The following CYP4F8 variants were observed in gnomAD, a reference collection of about 807,000 sequenced individuals.
CYP4F8 encodes cytochrome P450 family 4 subfamily F member 8, also known as cytochrome P450 4F8.
Under a neutral mutation model 55.0 loss-of-function variants are expected in CYP4F8, and 56 were observed. That is an observed-to-expected ratio of 1.02 (90% CI 0.82 to 1.27). The LOEUF is 1.27. CYP4F8 is among the 50% of genes most tolerant of loss of function. CYP4F8 has a pLI of 0.00. For missense variants in CYP4F8, 680 were observed against 682.4 expected, an observed-to-expected ratio of 1.00 and a Z score of 0.04; for synonymous variants, 288 against 267.3, an observed-to-expected ratio of 1.08 and a Z score of -0.76.
At chr19:15,623,407 T>C in intron 7 of CYP4F8, 32 bp downstream of exon 7, 1 of 1,606,626 alleles carries the variant, frequency 6.2e-7, no homozygotes, top group Non-Finnish European at 8.5e-7. Flanking sequence ...ATTCAAGAGG[T>C]AAAATGGAGC....
chr19:15,628,155 C>T (rs1338617954), intron 9 of CYP4F8, 147 bp from the exon 10 acceptor site: 1 of 1,230,168 alleles, frequency 8.1e-7, no homozygotes, highest in Non-Finnish European at 1.1e-6. Flanking sequence ...AGTTTTGTGA[C>T]TTTGGTTTTC....
At chr19:15,616,487 C>T (rs1972124291) in intron 2 of CYP4F8, among the ~76,000 whole-genome samples, 1 of 152,160 alleles carries the variant, frequency 6.6e-6, no homozygotes, top group Non-Finnish European at 1.5e-5. Context: ...ACCATTATTT[C>T]CACATTATCC....
rs2144607229 is a variant in CYP4F8 at position 15,623,146 on chromosome 19, C to A, written c.689C>A (p.Ala230Asp). 1.2e-6 allele frequency: 2 copies of A among 1,614,072 alleles called. No homozygotes were observed. Among genetic ancestry groups the A allele is most frequent in the East Asian group, 2.2e-5 (1 of 44,854 alleles). ...ATTACTGCGATCATGGAGCTCAGTG[C>A]CCTTGTAGTGAAACGGAATAACCAG... ...EYITAIMELS[A>D]LVVKRNNQFF... The change falls in exon 7 of 13, where the codon GCC (alanine) becomes GAC (aspartate). Residue 230 changes from alanine to aspartate, a missense_variant. Coordinates refer to ENST00000612078, the MANE Select transcript of CYP4F8 (RefSeq NM_007253.4).
chr19:15,627,530 G>A (rs1199699623), intron 9 of CYP4F8: 2 of 150,862 alleles, frequency 1.3e-5, no homozygotes, highest in African/African-American at 2.4e-5. Flanking sequence ...CCTTCAATTA[G>A]AATAAGATTT....
intron 2 of CYP4F8, among the ~76,000 whole-genome samples, chr19:15,617,535 A>T (rs138897955): frequency 1.1e-4 from 15 of 136,416 alleles, no homozygotes; most frequent in Non-Finnish European, 1.8e-4. Context: ...TCTATCTATC[A>T]GTCCGTCTGT....
chr19:15,616,622 C>T (rs541397913), intron 2 of CYP4F8, among the ~76,000 whole-genome samples: 3 of 152,240 alleles, frequency 2.0e-5, no homozygotes, highest in Admixed American at 1.3e-4. Context: ...CACCCCCTAC[C>T]CTCACATCAT....
Position 15,629,568 on chromosome 19 carries a change from G to A in CYP4F8, c.*210G>A. On this transcript the variant is annotated 3_prime_UTR_variant, in exon 13 of 13. Coordinates refer to ENST00000612078, the MANE Select transcript of CYP4F8 (RefSeq NM_007253.4). The stretch of plus-strand genomic sequence containing the variant: ...GCCCAAGATACTCACTGCCTCTCTG[G>A]GTGAGCACAGGAGCCCCGTGCTGAG... The A allele has an allele frequency of 1.6e-6, 1 of 619,360 alleles. No individual in the cohort carries two copies. The highest frequency in any genetic ancestry group is 2.6e-6 in the Non-Finnish European group (1 of 386,132). 38.4% of individuals were successfully genotyped at this position (619,360 alleles called of 1,614,324 possible). A position where few individuals can be genotyped will look rare whatever the true frequency, so the allele number is the denominator to read the frequency against.
At chr19:15,618,485 T>C (rs1050404967) in intron 3 of CYP4F8, 6 of 402,540 alleles carry the variant, frequency 1.5e-5, no homozygotes, top group Non-Finnish European at 2.4e-5. Context: ...CAGGAGGAGA[T>C]AGGCTGTGAC....
intron 9 of CYP4F8, among the ~76,000 whole-genome samples, chr19:15,624,518 T>C (rs1972238318): frequency 6.6e-6 from 1 of 152,226 alleles, no homozygotes; most frequent in Non-Finnish European, 1.5e-5. Flanking sequence ...AGCCTTTTGG[T>C]ATAAAAGACA....
In CYP4F8 at chr19:15,623,221, G is replaced by A. The variant is rs774126836; in HGVS notation, c.764G>A (p.Arg255His). The change falls in exon 7 of 13, where the codon CGC (arginine) becomes CAC (histidine). Residue 255 changes from arginine (R) to histidine (H), a missense_variant. Arg to His is a conservative substitution (Grantham distance 29). Coordinates refer to ENST00000612078, the MANE Select transcript of CYP4F8 (RefSeq NM_007253.4). ...FLYFLTPCGR[R>H]FHRACRLVHD... Reference sequence around the variant, plus strand: ...TACTTCCTCACTCCCTGTGGACGGCGCTTCCACAGGGCCTGCAGACTGGTG... The same window carrying A: ...TACTTCCTCACTCCCTGTGGACGGCACTTCCACAGGGCCTGCAGACTGGTG... 6.8e-6 allele frequency: 11 copies of A among 1,614,016 alleles called. No individual in the cohort carries two copies. Among genetic ancestry groups the A allele is most frequent in the South Asian group, 3.3e-5 (3 of 91,074 alleles).
chr19:15,615,564 A>G, intron 1 of CYP4F8, 52 bp from the exon 2 acceptor site: 1 of 1,585,450 alleles, frequency 6.3e-7, no homozygotes, highest in Non-Finnish European at 8.6e-7. Context: ...GGAGCTCCCC[A>G]GCCCCTTTCC....
chr19:15,629,408 A>ACCT lies in CYP4F8; in HGVS notation c.*50_*51insCCT, dbSNP rs1396376132. On this transcript the variant is annotated 3_prime_UTR_variant, in exon 13 of 13. Transcript: ENST00000612078. Reference sequence around the variant, plus strand: ...CCTTTGCATCACCTACCTTTGCACCAACTACCTTTTCAGATTTCCGGTAAT... The same window carrying ACCT: ...CCTTTGCATCACCTACCTTTGCACCACCTACTACCTTTTCAGATTTCCGGTAAT... 9.8e-6 allele frequency: 15 copies of ACCT among 1,527,130 alleles called. No individual in the cohort carries two copies. The highest frequency in any genetic ancestry group is 1.3e-5 in the Non-Finnish European group (15 of 1,136,814). The allele number at this position is 1,527,130 out of a possible 1,614,324, so 94.6% of individuals were successfully genotyped here. A position where few individuals can be genotyped will look rare whatever the true frequency, so the allele number is the denominator to read the frequency against.
chr19:15,621,876 G>A (rs1972198275), intron 5 of CYP4F8: 3 of 203,768 alleles, frequency 1.5e-5, no homozygotes, highest in Non-Finnish European at 2.9e-5. Flanking sequence ...GTGAGTCTAA[G>A]AGTGGGGGAA....
chr19:15,615,843 C>G, intron 2 of CYP4F8, 29 bp downstream of exon 2: 1 of 1,583,972 alleles, frequency 6.3e-7, no homozygotes, highest in Non-Finnish European at 8.6e-7. Context: ...GATCTAGTGT[C>G]TCAGGGTGGA....
rs772621461 is a variant in CYP4F8 at position 15,624,012 on chromosome 19, G to A, written c.1033G>A (p.Ala345Thr). 6 of 1,614,052 alleles carry A rather than the reference G, an allele frequency of 3.7e-6. No homozygotes were observed. The African/African-American group carries it at 4.0e-5, about 11-fold the overall frequency. ...SGLSWVLYNLARHPEYQERCR... is the reference protein window; with the variant it reads ...SGLSWVLYNLTRHPEYQERCR... ...CCTCTCCTGGGTCTTGTACAACCTCGCGAGGCACCCAGAATACCAAGAACG... is the reference window on the plus strand; with the variant it reads ...CCTCTCCTGGGTCTTGTACAACCTCACGAGGCACCCAGAATACCAAGAACG... Residue 345 changes from alanine (A) to threonine (T), a missense_variant, in exon 9 of 13, where the codon GCG becomes ACG. Coordinates refer to ENST00000612078, the MANE Select transcript of CYP4F8 (RefSeq NM_007253.4).
At chr19:15,619,105 T>C (rs568310945) in intron 3 of CYP4F8, 8 of 190,094 alleles carry the variant, frequency 4.2e-5, no homozygotes, top group African/African-American at 7.1e-5. Flanking sequence ...TCCAGGGAGG[T>C]TGGCCTTCAG....
chr19:15,627,910 C>G (rs996810052), intron 9 of CYP4F8: 7 of 201,194 alleles, frequency 3.5e-5, no homozygotes, highest in Non-Finnish European at 7.0e-5. Context: ...AGGTGCCCAC[C>G]ACCATGCGTG....
At chr19:15,623,633 C>T in intron 7 of CYP4F8, 66 bp from the exon 8 acceptor site, 1 of 1,575,112 alleles carries the variant, frequency 6.3e-7, no homozygotes, top group Non-Finnish European at 8.7e-7. Flanking sequence ...AATGGGTCTT[C>T]AGAGACTGTT....
chr19:15,619,017 GGT>G (rs1182359378), intron 3 of CYP4F8: 1 of 174,848 alleles, frequency 5.7e-6, no homozygotes, highest in Non-Finnish European at 1.2e-5. Context: ...TGGGTGCTGA[GGT>G]GTCTTTCCAT....
Sources: gnomAD v4.1 joint callset for allele counts (sites outside exome capture counted in the v4.1 genomes callset) on GRCh38, gnomAD v4.1.1 for gene constraint, MANE v1.5 for transcripts, NCBI Gene and HGNC (gene_info 2026-07-23, HGNC 2026-07-21) for gene names.